The following PHACTR3 variants were observed in gnomAD, a reference collection of about 807,000 sequenced individuals.
PHACTR3 encodes protein phosphatase 1, regulatory subunit 123.
Under a neutral mutation model 66.8 loss-of-function variants are expected in PHACTR3, and 16 were observed. The observed-to-expected ratio is 0.24, with a 90% CI of 0.16 to 0.36. PHACTR3 has a LOEUF of 0.36. Among genes scored for constraint, PHACTR3 ranks in the 10% least tolerant of loss-of-function variants. The pLI, the probability that PHACTR3 is intolerant of heterozygous loss-of-function variation, is 1.00. For missense variants in PHACTR3, 647 were observed against 719.9 expected (o/e 0.90, Z 1.16); for synonymous variants, 323 against 292.1 (o/e 1.11, Z -1.08).
intron 1 of PHACTR3, among the ~76,000 whole-genome samples, chr20:59,651,612 G>C (rs1443548132): frequency 6.6e-6 from 1 of 152,138 alleles, no homozygotes; most frequent in Non-Finnish European, 1.5e-5. Context: ...TATTTGTTTT[G>C]CCATTATTCA....
chr20:59,745,382 A>G (rs771116615), intron 2 of PHACTR3, among the ~76,000 whole-genome samples: 9 of 152,178 alleles, frequency 5.9e-5, no homozygotes, highest in Non-Finnish European at 8.8e-5. Flanking sequence ...GCCTACTCCA[A>G]GCTGTGCCGT....
intron 1 of PHACTR3, among the ~76,000 whole-genome samples, chr20:59,726,501 G>C (rs1298602766): frequency 1.3e-5 from 2 of 152,170 alleles, no homozygotes; most frequent in Admixed American, 6.5e-5. Flanking sequence ...AGAACTGTTT[G>C]CTCCTTCTCC....
intron 1 of PHACTR3, among the ~76,000 whole-genome samples, chr20:59,699,730 G>A (rs1195934781): frequency 3.9e-5 from 6 of 152,140 alleles, no homozygotes; most frequent in African/African-American, 9.7e-5. Flanking sequence ...TTGGGAGGCC[G>A]AGGTGGGTGG....
At chr20:59,788,272 A>C (rs923585974) in intron 7 of PHACTR3, among the ~76,000 whole-genome samples, 1 of 152,220 alleles carries the variant, frequency 6.6e-6, no homozygotes, top group African/African-American at 2.4e-5. Flanking sequence ...GTCATCGTAC[A>C]GATGCGTTTT....
chr20:59,716,204 CTTTGTGTGTGTG>C (rs1416605125), intron 1 of PHACTR3, among the ~76,000 whole-genome samples: 12 of 132,246 alleles, frequency 9.1e-5, no homozygotes, highest in African/African-American at 1.5e-4. Context: ...TCCCTTCACC[CTTTGTGTGTGTG>C]TGTGTGTGTG....
chr20:59,670,849 C>T lies in PHACTR3; in HGVS notation c.118+65717C>T, dbSNP rs1463694107. Reference sequence around the variant, plus strand: ...CTGTCTCCAGAACGCCTCCCCAGTCCGGCACTTATTCCCACTCTCACTGCC... The same window carrying T: ...CTGTCTCCAGAACGCCTCCCCAGTCTGGCACTTATTCCCACTCTCACTGCC... On this transcript the variant is annotated intron_variant, in intron 1 of 12. Transcript: ENST00000371015. Among the ~76,000 whole-genome samples, 4 of 152,186 alleles carry T rather than the reference C, an allele frequency of 2.6e-5. No homozygotes were observed. The East Asian group carries it at 5.8e-4, about 22-fold the overall frequency.
intron 1 of PHACTR3, among the ~76,000 whole-genome samples, chr20:59,591,140 A>G (rs1320733845): frequency 1.3e-5 from 2 of 152,220 alleles, no homozygotes; most frequent in Admixed American, 6.5e-5. Context: ...CGCATGGTGC[A>G]GCGCCAGGGA....
chr20:59,773,315 G>T lies in PHACTR3; in HGVS notation c.788G>T (p.Ser263Ile), dbSNP rs1424254520. The change falls in exon 6 of 13, where the codon AGT (serine) becomes ATT (isoleucine). Residue 263 changes from serine (S) to isoleucine (I), a missense_variant. Coordinates refer to ENST00000371015, the MANE Select transcript of PHACTR3 (RefSeq NM_080672.5). ...ATLFQASSMKSADPSLRGQLS... is the reference protein window; with the variant it reads ...ATLFQASSMKIADPSLRGQLS... ...CTCTTCCAAGCCTCCAGCATGAAGA[G>T]TGCCGACCCTTCCCTCCGGGGCCAG... is the stretch of plus-strand genomic sequence containing the variant. 3.7e-6 allele frequency: 6 copies of T among 1,614,150 alleles called. No homozygotes were observed. In the African/African-American group the frequency reaches 6.7e-5, roughly 18 times the overall value.
chr20:59,583,570 G>C (rs953259684), intron 1 of PHACTR3, among the ~76,000 whole-genome samples: 1 of 152,238 alleles, frequency 6.6e-6, no homozygotes, highest in Non-Finnish European at 1.5e-5. Flanking sequence ...GCCCGCCTAC[G>C]CAAGCAGCCT....
chr20:59,579,546 G>A (rs1412538712), intron 1 of PHACTR3, among the ~76,000 whole-genome samples: 1 of 152,220 alleles, frequency 6.6e-6, no homozygotes, highest in East Asian at 1.9e-4. Flanking sequence ...AGTTTGGGGA[G>A]GTGGCCCATG....
chr20:59,688,712 T>C (rs568590333), intron 1 of PHACTR3, among the ~76,000 whole-genome samples: 4 of 152,324 alleles, frequency 2.6e-5, no homozygotes, highest in African/African-American at 4.8e-5. Context: ...AGTTACATTT[T>C]TGTAAGCTGT....
At chr20:59,793,057 G>A (rs952607087) in intron 7 of PHACTR3, among the ~76,000 whole-genome samples, 3 of 8,180 alleles carry the variant, frequency 3.7e-4, no homozygotes, top group Non-Finnish European at 5.5e-4. Context: ...GTTAATTTTT[G>A]TATTTTTTTT....
rs375360822 is a variant in PHACTR3 at position 59,809,355 on chromosome 20, G to A, written c.1328+3161G>A. Among the ~76,000 whole-genome samples the A allele has an allele frequency of 4.3e-4, 66 of 152,208 alleles. 1 individual carries two copies. In the South Asian group the frequency reaches 0.013, roughly 31 times the overall value. On this transcript the variant is annotated intron_variant, in intron 8 of 12. Transcript: ENST00000371015. ...CGCTCGGCCTCTGCATCGTGGTGTC[G>A]TCATCCCAGGCTTTCATTTCTGCAA...
intron 4 of PHACTR3, among the ~76,000 whole-genome samples, chr20:59,763,118 A>AG (rs200680641): frequency 0.012 from 1,762 of 152,282 alleles, 41 homozygotes; most frequent in African/African-American, 0.04. Flanking sequence ...ATTGAATCAC[A>AG]GGGGGGCAGT....
chr20:59,577,696 T>G (rs1187434160), intron 1 of PHACTR3: 24 of 958,036 alleles, frequency 2.5e-5, no homozygotes, highest in South Asian at 5.1e-5. Context: ...GGGGGACGAC[T>G]CCTCCTGAAT....
Position 59,659,678 on chromosome 20 carries a change from G to A in PHACTR3, c.118+54546G>A, listed in dbSNP as rs754044585. ...GAGCCACCGCAACTGGCCGGGTCTG[G>A]AGCTTTTTGTAGCTTTAGTTTCATT... On this transcript the variant is annotated intron_variant, in intron 1 of 12. Transcript: ENST00000371015. Among the ~76,000 whole-genome samples the A allele has an allele frequency of 3.9e-5, 6 of 152,140 alleles. No individual in the cohort carries two copies. The South Asian group carries it at 1.2e-3, about 32-fold the overall frequency.
At chr20:59,687,445 T>C (rs1353813790) in intron 1 of PHACTR3, among the ~76,000 whole-genome samples, 1 of 152,186 alleles carries the variant, frequency 6.6e-6, no homozygotes, top group African/African-American at 2.4e-5. Context: ...AAGTGTTTGC[T>C]AGGAAATGGA....
intron 5 of PHACTR3, among the ~76,000 whole-genome samples, chr20:59,772,595 G>T (rs1168653364): frequency 6.6e-6 from 1 of 151,998 alleles, no homozygotes; most frequent in Non-Finnish European, 1.5e-5. Flanking sequence ...GACGGAGTGT[G>T]GTGCCTTCAA....
intron 7 of PHACTR3, among the ~76,000 whole-genome samples, chr20:59,778,588 C>T (rs1421868426): frequency 1.3e-5 from 2 of 152,246 alleles, no homozygotes; most frequent in African/African-American, 2.4e-5. Flanking sequence ...TTGGCTTTGC[C>T]CATGCAGCCT....
Sources: allele counts gnomAD v4.1 joint callset (sites outside exome capture counted in the v4.1 genomes callset), GRCh38; gene constraint gnomAD v4.1.1; transcripts MANE v1.5; gene names NCBI Gene and HGNC (gene_info 2026-07-23, HGNC 2026-07-21).